Variants in FHIT observed in about 807,000 individuals in gnomAD.
FHIT encodes fragile histidine triad diadenosine triphosphatase.
A neutral mutation model predicts 17.9 loss-of-function variants in FHIT; 19 were observed. That is an observed-to-expected ratio of 1.06 (90% CI 0.74 to 1.56). The LOEUF (loss-of-function observed/expected upper bound fraction) is 1.56, where lower values mean the gene tolerates loss of function less well. FHIT is among the 40% of genes most tolerant of loss of function. The probability of loss-of-function intolerance (pLI) is 0.00; values close to 1 mark genes in which losing one functional copy is unlikely to be tolerated. For missense variants in FHIT, 248 were observed against 189.2 expected, an observed-to-expected ratio of 1.31 and a Z score of -1.82; for synonymous variants, 81 against 69.7, an observed-to-expected ratio of 1.16 and a Z score of -0.81.
intron 5 of FHIT, among the ~76,000 whole-genome samples, chr3:60,279,512 C>T (rs1250309690): frequency 6.6e-6 from 1 of 152,004 alleles, no homozygotes; most frequent in Non-Finnish European, 1.5e-5. Context: ...TCTCTACAAC[C>T]TTCTTTAGAT....
At chr3:60,488,169 C>G (rs886268737) in intron 5 of FHIT, among the ~76,000 whole-genome samples, 2 of 152,176 alleles carry the variant, frequency 1.3e-5, no homozygotes, top group African/African-American at 4.8e-5. Context: ...GAGGAAACCA[C>G]AGCAGCAGGG....
At chr3:60,109,445 T>C (rs1186857879) in intron 5 of FHIT, among the ~76,000 whole-genome samples, 2 of 152,038 alleles carry the variant, frequency 1.3e-5, no homozygotes, top group African/African-American at 4.8e-5. Flanking sequence ...AAAAAAAAAT[T>C]CCATGTCTGG....
At chr3:60,739,047 G>A (rs1415145996) in intron 4 of FHIT, among the ~76,000 whole-genome samples, 2 of 152,122 alleles carry the variant, frequency 1.3e-5, no homozygotes, top group African/African-American at 4.8e-5. Context: ...ACTCAGCTGG[G>A]GGCAGTCGGA....
At chr3:60,250,924 C>A (rs1457363133) in intron 5 of FHIT, among the ~76,000 whole-genome samples, 2 of 152,096 alleles carry the variant, frequency 1.3e-5, no homozygotes, top group African/African-American at 2.4e-5. Context: ...CAGATAATCC[C>A]AAAAACTCAT....
chr3:59,884,781 T>C (rs546319508), intron 8 of FHIT, among the ~76,000 whole-genome samples: 17 of 152,286 alleles, frequency 1.1e-4, no homozygotes, highest in African/African-American at 3.9e-4. Flanking sequence ...AATGAGCTGC[T>C]GAGAAGTAGT....
chr3:60,558,850 C>T (rs1321899619), intron 4 of FHIT, among the ~76,000 whole-genome samples: 2 of 152,172 alleles, frequency 1.3e-5, no homozygotes, highest in East Asian at 3.9e-4. Flanking sequence ...TTTCACTTTT[C>T]GGCTTTAGAC....
At chr3:60,094,088 T>A (rs1036698953) in intron 5 of FHIT, among the ~76,000 whole-genome samples, 3 of 151,962 alleles carry the variant, frequency 2.0e-5, no homozygotes, top group Non-Finnish European at 4.4e-5. Context: ...TAAAAAAAAA[T>A]ATTGAAGATT....
intron 5 of FHIT, among the ~76,000 whole-genome samples, chr3:60,340,518 C>G (rs1710464095): frequency 6.6e-6 from 1 of 152,124 alleles, no homozygotes; most frequent in African/African-American, 2.4e-5. Flanking sequence ...CAAGGGAGGA[C>G]TTGAACTTCA....
intron 2 of FHIT, among the ~76,000 whole-genome samples, chr3:61,188,980 T>C (rs1258032029): frequency 6.6e-6 from 1 of 151,962 alleles, no homozygotes; most frequent in Non-Finnish European, 1.5e-5. Context: ...AATATCATAC[T>C]GAATGGGCAA....
chr3:59,888,159 A>T (rs1703705996), intron 8 of FHIT, among the ~76,000 whole-genome samples: 2 of 152,158 alleles, frequency 1.3e-5, no homozygotes, highest in African/African-American at 4.8e-5. Context: ...GCTTTCTTTA[A>T]CAAGTTGTCT....
chr3:60,967,600 C>T lies in FHIT; in HGVS notation c.-111+74447G>A, dbSNP rs1055515678. Among the ~76,000 whole-genome samples, 18 of 152,146 alleles carry T rather than the reference C, an allele frequency of 1.2e-4. 1 individual carries two copies. Among genetic ancestry groups the T allele is most frequent in the Non-Finnish European group, 1.5e-5 (1 of 68,042 alleles). On this transcript the variant is annotated intron_variant, in intron 3 of 9. Coordinates refer to ENST00000492590, the MANE Select transcript of FHIT (RefSeq NM_002012.4). The stretch of plus-strand genomic sequence containing the variant: ...GGAGTGCAAGTATAGGGGATTTCTG[C>T]TATTCATTTTATGCTTATGCAATGT...
intron 8 of FHIT, among the ~76,000 whole-genome samples, chr3:59,852,252 G>T (rs550391591): frequency 6.6e-6 from 1 of 152,028 alleles, no homozygotes; most frequent in Non-Finnish European, 1.5e-5. Flanking sequence ...GCAAGAGAAC[G>T]AATTACCAAA....
chr3:60,752,340 A>AGAT (rs374126750), intron 4 of FHIT, among the ~76,000 whole-genome samples: 29 of 152,342 alleles, frequency 1.9e-4, no homozygotes, highest in African/African-American at 7.0e-4. Flanking sequence ...ATTTCCCAAC[A>AGAT]GATAACACGT....
At chr3:60,608,931 T>G (rs571017637) in intron 4 of FHIT, among the ~76,000 whole-genome samples, 44 of 152,070 alleles carry the variant, frequency 2.9e-4, no homozygotes, top group African/African-American at 9.2e-4. Context: ...GGTGGCAGAG[T>G]TTCCCTTAAA....
intron 2 of FHIT, among the ~76,000 whole-genome samples, chr3:61,183,740 A>T (rs561214785): frequency 6.6e-6 from 1 of 152,312 alleles, no homozygotes; most frequent in Admixed American, 6.5e-5. Context: ...ATATCAATGG[A>T]ATAATGGTCC....
intron 4 of FHIT, among the ~76,000 whole-genome samples, chr3:60,671,103 C>T (rs561737432): frequency 6.6e-6 from 1 of 151,612 alleles, no homozygotes; most frequent in Non-Finnish European, 1.5e-5. Context: ...ATTGGGTACA[C>T]TCACTCAGTG....
intron 8 of FHIT, among the ~76,000 whole-genome samples, chr3:59,799,803 C>A (rs1367312951): frequency 1.3e-5 from 2 of 152,134 alleles, no homozygotes; most frequent in Non-Finnish European, 2.9e-5. Flanking sequence ...GAAAATTGAT[C>A]TATAATACAT....
intron 4 of FHIT, among the ~76,000 whole-genome samples, chr3:60,668,371 G>GGAAAAAAA (rs2040428805): frequency 1.5e-5 from 1 of 68,030 alleles, no homozygotes; most frequent in South Asian, 5.8e-4. Context: ...GCTCAATCAG[G>GGAAAAAAA]AAAAAAAAAA....
At chr3:60,351,331 A>G (rs1301260785) in intron 5 of FHIT, among the ~76,000 whole-genome samples, 1 of 152,178 alleles carries the variant, frequency 6.6e-6, no homozygotes, top group Non-Finnish European at 1.5e-5. Flanking sequence ...TTACACTCAG[A>G]CGCAAGCCAC....
Sources: allele counts gnomAD v4.1 joint callset (sites outside exome capture counted in the v4.1 genomes callset), GRCh38; gene constraint gnomAD v4.1.1; transcripts MANE v1.5; gene names NCBI Gene and HGNC (gene_info 2026-07-23, HGNC 2026-07-21).